Variants in CLIP4 observed in about 807,000 individuals in gnomAD.
CLIP4 encodes the protein CAP-Gly domain containing linker protein family member 4.
CLIP4 carries 47 observed loss-of-function variants against 73.1 expected under a neutral mutation model. The ratio of observed to expected loss-of-function variants is 0.64; its 90% confidence interval spans 0.51 to 0.82. The LOEUF (loss-of-function observed/expected upper bound fraction) is 0.82, where lower values mean the gene tolerates loss of function less well. Among genes scored for constraint, CLIP4 ranks in the 40% least tolerant of loss-of-function variants. The pLI, the probability that CLIP4 is intolerant of heterozygous loss-of-function variation, is 0.00. For synonymous variants in CLIP4, 306 were observed against 295.4 expected (o/e 1.04, Z -0.37); for missense variants, 874 against 852.9 (o/e 1.02, Z -0.31).
upstream of CLIP4, among the ~76,000 whole-genome samples, chr2:29,113,833 A>G (rs1017541474): frequency 1.3e-5 from 2 of 152,250 alleles, no homozygotes; most frequent in East Asian, 3.8e-4. The surrounding 1 kb of genome is among the most constrained non-coding windows in gnomAD (Gnocchi z 4.0). Flanking sequence ...CTGTGGTTCA[A>G]TGACAATTGG....
At chr2:29,114,679 G>A (rs891303087), upstream of CLIP4, among the ~76,000 whole-genome samples, 2 of 152,210 alleles carry the variant, frequency 1.3e-5, no homozygotes, top group African/African-American at 4.8e-5. Flanking sequence ...CTCTGCTCTT[G>A]CAGAGACACT....
At chr2:29,106,704 C>T (rs934263218) in intron 1 of CLIP4, among the ~76,000 whole-genome samples, 3 of 152,144 alleles carry the variant, frequency 2.0e-5, no homozygotes, top group Non-Finnish European at 2.9e-5. Flanking sequence ...AGCTTCCATA[C>T]TGCTTTTCAA....
Position 29,167,490 on chromosome 2 carries a change from T to A in CLIP4, c.1673T>A (p.Leu558Gln). Reference protein sequence around the residue: ...PSRVQRVTDSLDTLSEISSNK... With the variant: ...PSRVQRVTDSQDTLSEISSNK... Reference sequence around the variant, plus strand: ...TTTATTCATAGAGTAACAGATTCCCTGGATACCCTTTCAGAAATTTCTTCA... The same window carrying A: ...TTTATTCATAGAGTAACAGATTCCCAGGATACCCTTTCAGAAATTTCTTCA... The change falls in exon 14 of 16, where the codon CTG becomes CAG. Residue 558 changes from leucine (L) to glutamine (Q), a missense_variant. By Grantham distance (113) the Leu-to-Gln change is moderately radical. Coordinates refer to ENST00000320081, the MANE Select transcript of CLIP4 (RefSeq NM_024692.6). The A allele has an allele frequency of 6.2e-7, 1 of 1,608,800 alleles. No homozygotes were observed. Among genetic ancestry groups the A allele is most frequent in the Admixed American group, 1.7e-5 (1 of 59,240 alleles).
At chr2:29,124,276 A>T (rs1384812561) in intron 2 of CLIP4, among the ~76,000 whole-genome samples, 2 of 152,148 alleles carry the variant, frequency 1.3e-5, no homozygotes, top group African/African-American at 4.8e-5. Flanking sequence ...TTAGAATTAT[A>T]GGTTGGTAGT....
intron 1 of CLIP4, among the ~76,000 whole-genome samples, chr2:29,107,357 A>AGTTTTTTTTT (rs1491192951): frequency 7.6e-5 from 4 of 52,508 alleles, no homozygotes; most frequent in East Asian, 1.2e-3. Context: ...GGAACATGAT[A>AGTTTTTTTTT]GTTTTTTTTT....
chr2:29,136,923 A>C (rs557609590), intron 6 of CLIP4, among the ~76,000 whole-genome samples: 1 of 152,128 alleles, frequency 6.6e-6, no homozygotes, highest in African/African-American at 2.4e-5. Flanking sequence ...GAAGCAGATT[A>C]ATAGGTTGCC....
rs1466690838 is a variant in CLIP4, at chr2:29,157,223, C to T, written c.1275C>T (p.Val425=). 1.2e-6 allele frequency: 2 copies of T among 1,613,934 alleles called. No individual in the cohort carries two copies. The highest frequency in any genetic ancestry group is 1.3e-5 in the African/African-American group (1 of 74,902). The part of the protein sequence containing the change: ...TEKDVALLGS[V]SSCSSTSSLE... ...TTACAGTTGCCCTGCTTGGATCTGT[C>T]AGCAGCTGCTCCTCTACATCTTCTT... Residue 425 remains valine, a synonymous_variant, in exon 11 of 16, where the codon GTC becomes GTT. Transcript: ENST00000320081.
chr2:29,130,164 G>A, intron 2 of CLIP4: 5 of 437,424 alleles, frequency 1.1e-5, no homozygotes, highest in South Asian at 8.3e-5. Flanking sequence ...AGCAGCCAGT[G>A]CTGCGGCCCT....
At chr2:29,114,999 G>T (rs1668498570), upstream of CLIP4, 1 of 152,524 alleles carries the variant, frequency 6.6e-6, no homozygotes, top group Admixed American at 6.5e-5. Context: ...GAAAACGTGG[G>T]TGAAGAGGCA....
At chr2:29,124,044 A>G (rs891087029) in intron 2 of CLIP4, among the ~76,000 whole-genome samples, 1 of 152,232 alleles carries the variant, frequency 6.6e-6, no homozygotes, top group African/African-American at 2.4e-5. Context: ...TTTAAATAAT[A>G]TAAAAAAATC....
intron 15 of CLIP4, among the ~76,000 whole-genome samples, chr2:29,177,743 G>A (rs1462746460): frequency 6.6e-6 from 1 of 152,092 alleles, no homozygotes; most frequent in African/African-American, 2.4e-5. Flanking sequence ...ATTCTGTACT[G>A]TATACAGTCT....
chr2:29,158,285 A>G (rs1667066353), intron 11 of CLIP4, among the ~76,000 whole-genome samples: 1 of 152,164 alleles, frequency 6.6e-6, no homozygotes, highest in African/African-American at 2.4e-5. Context: ...TCCAAATTTC[A>G]TTCACATTTT....
chr2:29,144,150 A>G (rs968662574), intron 7 of CLIP4, among the ~76,000 whole-genome samples: 2 of 152,228 alleles, frequency 1.3e-5, no homozygotes, highest in Non-Finnish European at 2.9e-5. Context: ...CTTAATAAAG[A>G]AGACATCTTT....
At chr2:29,165,313 G>A (rs1283322683) in intron 13 of CLIP4, among the ~76,000 whole-genome samples, 4 of 151,682 alleles carry the variant, frequency 2.6e-5, no homozygotes, top group East Asian at 1.9e-4. Context: ...CAGTAACTAC[G>A]AATAGTGCTT....
At chr2:29,105,529 G>A (rs1240829307) in intron 1 of CLIP4, among the ~76,000 whole-genome samples, 1 of 152,194 alleles carries the variant, frequency 6.6e-6, no homozygotes, top group Non-Finnish European at 1.5e-5. Context: ...CCAGAGGGCA[G>A]CCTCTCCATC....
chr2:29,164,045 C>T (rs1399745567), intron 13 of CLIP4, 91 bp downstream of exon 13: 16 of 1,052,888 alleles, frequency 1.5e-5, no homozygotes, highest in Non-Finnish European at 1.8e-5. Flanking sequence ...AAGATATGCT[C>T]TGATTGTAGC....
At chr2:29,136,370 C>G (rs903940745) in intron 6 of CLIP4, among the ~76,000 whole-genome samples, 1 of 152,090 alleles carries the variant, frequency 6.6e-6, no homozygotes, top group Non-Finnish European at 1.5e-5. Flanking sequence ...CCCATTTTCC[C>G]TACTTCTTTG....
At chr2:29,153,763 G>A (rs936822018) in intron 9 of CLIP4, among the ~76,000 whole-genome samples, 2 of 152,126 alleles carry the variant, frequency 1.3e-5, no homozygotes, top group African/African-American at 4.8e-5. Context: ...TTTATATTCT[G>A]TTCCACTGGG....
intron 1 of CLIP4, among the ~76,000 whole-genome samples, chr2:29,117,934 G>T (rs995501988): frequency 6.6e-6 from 1 of 152,172 alleles, no homozygotes; most frequent in Non-Finnish European, 1.5e-5. Context: ...TTTCAGGGCA[G>T]GTATTTCAAT....
Sources: gnomAD v4.1 joint callset for allele counts (sites outside exome capture counted in the v4.1 genomes callset) on GRCh38, gnomAD v4.1.1 for gene constraint, Gnocchi (gnomAD v3.1) non-coding constraint, MANE v1.5 for transcripts, NCBI Gene and HGNC (gene_info 2026-07-23, HGNC 2026-07-21) for gene names.